Variants in LRRC4C observed in about 807,000 individuals in gnomAD.
LRRC4C encodes leucine-rich repeat-containing protein 4C.
In LRRC4C, 5 loss-of-function variants were observed where a neutral mutation model predicts 33.6. The ratio of observed to expected loss-of-function variants is 0.15; its 90% CI spans 0.08 to 0.31. The LOEUF is 0.31. Among genes scored for constraint, LRRC4C ranks in the 10% least tolerant of loss-of-function variants. The probability of loss-of-function intolerance (pLI) is 1.00; values close to 1 mark genes in which losing one functional copy is unlikely to be tolerated. For synonymous variants in LRRC4C, 329 were observed against 302.0 expected, an observed-to-expected ratio of 1.09 and a Z score of -0.93; for missense variants, 560 against 796.7, an observed-to-expected ratio of 0.70 and a Z score of 3.58.
At chr11:40,454,648 C>T (rs1952050159) in intron 3 of LRRC4C, among the ~76,000 whole-genome samples, 1 of 152,126 alleles carries the variant, frequency 6.6e-6, no homozygotes, top group Admixed American at 6.6e-5. Context: ...ATGTGGTAAA[C>T]ACAGCTATGT....
intron 2 of LRRC4C, among the ~76,000 whole-genome samples, chr11:40,918,508 G>T (rs1957051252): frequency 6.6e-6 from 1 of 151,936 alleles, no homozygotes; most frequent in Non-Finnish European, 1.5e-5. Context: ...TTTGCCAGGT[G>T]TCTACTAGAT....
chr11:40,525,169 G>A (rs1194602758), intron 3 of LRRC4C, among the ~76,000 whole-genome samples: 8 of 152,212 alleles, frequency 5.3e-5, no homozygotes, highest in South Asian at 2.1e-4. Context: ...GGGCTGGGCC[G>A]GGCGCCGTGG....
intron 1 of LRRC4C, among the ~76,000 whole-genome samples, chr11:41,013,427 A>G (rs1855354686): frequency 6.6e-6 from 1 of 152,206 alleles, no homozygotes; most frequent in South Asian, 2.1e-4. Flanking sequence ...TCTCCCAATT[A>G]TTAATGATAA....
chr11:41,161,359 C>T (rs1303855950), intron 1 of LRRC4C, among the ~76,000 whole-genome samples: 1 of 152,152 alleles, frequency 6.6e-6, no homozygotes, highest in Non-Finnish European at 1.5e-5. Context: ...AGTAATGCTA[C>T]ATCCTGTAGA....
chr11:40,482,843 A>G (rs1212601697), intron 3 of LRRC4C, among the ~76,000 whole-genome samples: 2 of 152,206 alleles, frequency 1.3e-5, no homozygotes, highest in African/African-American at 4.8e-5. Flanking sequence ...AAATCTTCTT[A>G]GGAAACAAAG....
chr11:40,289,437 A>G (rs1216299335), intron 4 of LRRC4C, among the ~76,000 whole-genome samples: 1 of 152,194 alleles, frequency 6.6e-6, no homozygotes, highest in Non-Finnish European at 1.5e-5. Context: ...ACATTTGAGG[A>G]AGAAGATATT....
At chr11:40,273,097 A>T in intron 4 of LRRC4C, among the ~76,000 whole-genome samples, 1 of 152,306 alleles carries the variant, frequency 6.6e-6, no homozygotes, top group Admixed American at 6.5e-5. Flanking sequence ...CTTGCTTTAA[A>T]TACACTTTAA....
At chr11:40,274,205 A>G (rs1319017443) in intron 4 of LRRC4C, among the ~76,000 whole-genome samples, 2 of 152,074 alleles carry the variant, frequency 1.3e-5, no homozygotes, top group African/African-American at 4.8e-5. Context: ...TCTGAGAAAT[A>G]GCAAGATAGA....
At chr11:41,252,464 G>C (rs1304792586) in intron 1 of LRRC4C, among the ~76,000 whole-genome samples, 1 of 152,144 alleles carries the variant, frequency 6.6e-6, no homozygotes, top group East Asian at 1.9e-4. Context: ...AGTTATCTAA[G>C]AAAAGGGAAT....
chr11:41,162,602 G>A (rs144027776), intron 1 of LRRC4C, among the ~76,000 whole-genome samples: 1 of 152,264 alleles, frequency 6.6e-6, no homozygotes, highest in East Asian at 1.9e-4. Context: ...GTATGTTATT[G>A]TATCATATTG....
chr11:40,154,287 CAAAA>C (rs60017606), intron 5 of LRRC4C, among the ~76,000 whole-genome samples: 1 of 114,204 alleles, frequency 8.8e-6, no homozygotes, highest in Non-Finnish European at 1.9e-5. Context: ...AGCTAAAAAG[CAAAA>C]AAAAAAAAAA....
At chr11:41,434,130 T>C (rs1483867299) in intron 1 of LRRC4C, among the ~76,000 whole-genome samples, 1 of 152,068 alleles carries the variant, frequency 6.6e-6, no homozygotes, top group Admixed American at 6.6e-5. Flanking sequence ...GTGGCAACCA[T>C]CACCTGAGAT....
At chr11:41,277,525 A>T (rs1949522287) in intron 1 of LRRC4C, among the ~76,000 whole-genome samples, 1 of 152,146 alleles carries the variant, frequency 6.6e-6, no homozygotes, top group African/African-American at 2.4e-5. Flanking sequence ...TGTCATTCCC[A>T]TCCTGTACCA....
intron 2 of LRRC4C, among the ~76,000 whole-genome samples, chr11:40,720,257 C>G (rs1055647542): frequency 1.1e-4 from 16 of 152,164 alleles, no homozygotes; most frequent in Admixed American, 1.0e-3. Flanking sequence ...ATAAAGATAA[C>G]TCCATTTGGT....
intron 2 of LRRC4C, among the ~76,000 whole-genome samples, chr11:40,917,486 A>T (rs1046661577): frequency 6.6e-6 from 1 of 152,166 alleles, no homozygotes; most frequent in Non-Finnish European, 1.5e-5. Context: ...ATTTCAACTT[A>T]TAAAAGAACC....
intron 1 of LRRC4C, among the ~76,000 whole-genome samples, chr11:41,199,201 G>A (rs1946305700): frequency 1.3e-5 from 2 of 152,074 alleles, no homozygotes; most frequent in Non-Finnish European, 2.9e-5. Flanking sequence ...CAAGGGGTGA[G>A]TATTCCTGAG....
chr11:40,833,112 A>C (rs1952494053), intron 2 of LRRC4C, among the ~76,000 whole-genome samples: 1 of 152,192 alleles, frequency 6.6e-6, no homozygotes, highest in Non-Finnish European at 1.5e-5. Flanking sequence ...AATGTTAGCT[A>C]ATAGTTACAA....
intron 1 of LRRC4C, among the ~76,000 whole-genome samples, chr11:41,066,327 A>G (rs1938233549): frequency 6.6e-6 from 1 of 152,190 alleles, no homozygotes; most frequent in African/African-American, 2.4e-5. Context: ...GAGTCTGAAG[A>G]CCATCTTTCT....
chr11:40,873,094 C>A (rs1046033510), intron 2 of LRRC4C, among the ~76,000 whole-genome samples: 4 of 152,082 alleles, frequency 2.6e-5, no homozygotes, highest in Admixed American at 1.3e-4. Context: ...CTGGTGAAGT[C>A]CTCATGTTTA....
Sources: gnomAD v4.1 joint callset for allele counts (sites outside exome capture counted in the v4.1 genomes callset) on GRCh38, gnomAD v4.1.1 for gene constraint, MANE v1.5 for transcripts, NCBI Gene and HGNC (gene_info 2026-07-23, HGNC 2026-07-21) for gene names.